LRRC9: variants seen among roughly 807,000 people sequenced by gnomAD.
LRRC9 encodes the protein leucine-rich repeat-containing protein 9.
LRRC9 carries 122 observed loss-of-function variants against 63.2 expected under a neutral mutation model. The ratio of observed to expected loss-of-function variants is 1.93; its 90% CI spans 1.67 to 2.24. LRRC9 has a LOEUF of 2.24. Among genes scored for constraint, LRRC9 ranks in the 30% most tolerant of loss-of-function variants. LRRC9 has a pLI of 0.00. For synonymous variants in LRRC9, 366 were observed against 213.1 expected (o/e 1.72, Z -6.25); for missense variants, 1,071 against 627.7 (o/e 1.71, Z -7.55).
In LRRC9 at chr14:59,927,036, A is replaced by T. The variant is rs1050438881; in HGVS notation, c.-33-875A>T. On this transcript the variant is annotated intron_variant, in intron 1 of 31. Coordinates refer to ENST00000445360, the Ensembl canonical transcript of LRRC9. The surrounding 1 kb of genome is among the most constrained non-coding windows in gnomAD (Gnocchi z 4.4). The stretch of plus-strand genomic sequence containing the variant: ...CTCTCCCATCCAGCTTTACATTTGT[A>T]TTCTGGCCACAAAGGCTTTCACCTG... Among the ~76,000 whole-genome samples, 1 of 152,060 alleles carries T rather than the reference A, an allele frequency of 6.6e-6. No individual in the cohort carries two copies. The highest frequency in any genetic ancestry group is 2.4e-5 in the African/African-American group (1 of 41,428).
Position 59,919,910 on chromosome 14 carries a change from A to T in LRRC9, c.-34+27A>T, listed in dbSNP as rs1057222296. 1.3e-5 allele frequency: 2 copies of T among 152,294 alleles called. No individual in the cohort carries two copies. Among genetic ancestry groups the T allele is most frequent in the Admixed American group, 1.3e-4 (2 of 15,292 alleles). The allele number at this position is 152,294 out of a possible 1,614,324, so 9.4% of individuals were successfully genotyped here. ...TAAGTGAAAAGATAAGCGCAGGTAC[A>T]GAAAAACCTGCCAGCGAGAAGCTCC... On this transcript the variant is annotated intron_variant, in intron 1 of 31. Coordinates refer to ENST00000445360, the Ensembl canonical transcript of LRRC9. This position sits in a 1 kb window ranked among gnomAD's most constrained non-coding sequence, Gnocchi z 4.5.
At chr14:60,016,402 C>T (rs1890688888) in intron 23 of LRRC9, among the ~76,000 whole-genome samples, 1 of 152,030 alleles carries the variant, frequency 6.6e-6, no homozygotes, top group Non-Finnish European at 1.5e-5. Context: ...GACAGGGTCT[C>T]ACTTTGTTGC....
At chr14:60,052,412 G>A (rs1893965084) in intron 29 of LRRC9, among the ~76,000 whole-genome samples, 1 of 152,052 alleles carries the variant, frequency 6.6e-6, no homozygotes, top group Non-Finnish European at 1.5e-5. Flanking sequence ...TTTTTTGGGG[G>A]ATGGTTACAT....
At position 60,053,812 on chromosome 14, in the gene LRRC9, G is replaced by C. The variant is rs1311836547; in HGVS notation, c.4131+607G>C. 2.5e-6 allele frequency: 1 copy of C among 404,112 alleles called. No homozygotes were observed. Among genetic ancestry groups the C allele is most frequent in the African/African-American group, 2.1e-5 (1 of 47,002 alleles). The allele number at this position is 404,112 out of a possible 1,614,324, so 25.0% of individuals were successfully genotyped here. A position where few individuals can be genotyped will look rare whatever the true frequency, so the allele number is the denominator to read the frequency against. On this transcript the variant is annotated intron_variant, in intron 30 of 31. Transcript: ENST00000445360. The surrounding 1 kb of genome is among the most constrained non-coding windows in gnomAD (Gnocchi z 4.8). The stretch of plus-strand genomic sequence containing the variant: ...TGAAAATTCTGTCTTTGACCACCTA[G>C]TTTCTTCATGACCATCTTCTAAAGA...
chr14:59,995,491 T>C (rs897069825), intron 17 of LRRC9, among the ~76,000 whole-genome samples: 13 of 152,186 alleles, frequency 8.5e-5, no homozygotes, highest in African/African-American at 3.1e-4. Flanking sequence ...TAAACCAGTA[T>C]CCCAAGAAAA....
chr14:60,065,130 C>T (rs541311674), downstream of LRRC9, among the ~76,000 whole-genome samples: 20 of 152,088 alleles, frequency 1.3e-4, no homozygotes, highest in African/African-American at 4.8e-4. Context: ...ATCTGTAATC[C>T]CAGCACTTTG....
intron 12 of LRRC9, chr14:59,969,196 T>C (rs920183688): frequency 1.3e-5 from 2 of 152,232 alleles, no homozygotes; most frequent in Admixed American, 1.3e-4. Context: ...TCTGAAACAT[T>C]TGACACTATT....
At chr14:59,944,838 C>A in intron 8 of LRRC9, 94 bp downstream of exon 8, 1 of 534,326 alleles carries the variant, frequency 1.9e-6, no homozygotes, top group Non-Finnish European at 3.2e-6. Flanking sequence ...TGTATATACA[C>A]ACATATATAA....
chr14:60,006,366 A>T (rs918294162), intron 21 of LRRC9, 31 bp from the exon 22 acceptor site: 23 of 670,624 alleles, frequency 3.4e-5, no homozygotes, highest in Non-Finnish European at 5.9e-5. Context: ...GTGTTATCTG[A>T]ATCTTTTCTT....
Position 59,960,899 on chromosome 14 carries a change from T to G in LRRC9, c.1080-15T>G, listed in dbSNP as rs770812082. ...AGATCATTCTAATAGCTGTATGTATTTTTCTCTCCAATAGAATTGAAGCAA... is the reference window on the plus strand; with the variant it reads ...AGATCATTCTAATAGCTGTATGTATGTTTCTCTCCAATAGAATTGAAGCAA... On this transcript the variant is annotated splice_polypyrimidine_tract_variant and intron_variant, in intron 9 of 31. Coordinates refer to ENST00000445360, the Ensembl canonical transcript of LRRC9. The G allele has an allele frequency of 4.1e-5, 26 of 636,076 alleles. No homozygotes were observed. In the Middle Eastern group the frequency reaches 1.8e-3, roughly 44 times the overall value. The allele number at this position is 636,076 out of a possible 1,614,324, so 39.4% of individuals were successfully genotyped here.
At chr14:60,026,406 T>C (rs1034148168) in intron 27 of LRRC9, among the ~76,000 whole-genome samples, 4 of 152,134 alleles carry the variant, frequency 2.6e-5, no homozygotes, top group Non-Finnish European at 5.9e-5. Context: ...ATTTCTTCTT[T>C]TGAGAAATGT....
chr14:59,922,766 A>G lies in LRRC9; in HGVS notation c.-34+2883A>G, dbSNP rs542098423. 6.6e-6 allele frequency among the ~76,000 whole-genome samples: 1 copy of G among 152,304 alleles called. No homozygotes were observed. The highest frequency in any genetic ancestry group is 1.5e-5 in the Non-Finnish European group (1 of 68,020). On this transcript the variant is annotated intron_variant, in intron 1 of 31. Coordinates refer to ENST00000445360, the Ensembl canonical transcript of LRRC9. The surrounding 1 kb of genome is among the most constrained non-coding windows in gnomAD (Gnocchi z 5.3). ...AGAGAGACCTTGAAAAGAGTGGTGA[A>G]AGTTTAGAATAGTAATGTCATGAAT...
Position 59,999,053 on chromosome 14 carries a change from T to C in LRRC9, c.2404-48T>C, listed in dbSNP as rs187418039. The C allele has an allele frequency of 1.8e-3, 1,082 of 590,918 alleles. 5 individuals carry two copies. The highest frequency in any genetic ancestry group is 2.0e-3 in the Non-Finnish European group (671 of 331,422). The allele number at this position is 590,918 out of a possible 1,614,324, so 36.6% of individuals were successfully genotyped here. On this transcript the variant is annotated intron_variant, in intron 18 of 31. Transcript: ENST00000445360. The stretch of plus-strand genomic sequence containing the variant: ...CATGAAAACAGTCATTTTCATGCCA[T>C]AACATATTTAACAGTTTATAAAAAA...
At position 60,053,215 on chromosome 14, in the gene LRRC9, ATAT is replaced by A. The variant is rs1247349310; in HGVS notation, c.4131+15_4131+17del. The stretch of plus-strand genomic sequence containing the variant: ...AGCAAAGAAAAACTCGGTAATAATT[ATAT>A]TATTTACAATTTTCCTTTTGAAGCA... On this transcript the variant is annotated intron_variant, in intron 30 of 31. Transcript: ENST00000445360. This position sits in a 1 kb window ranked among gnomAD's most constrained non-coding sequence, Gnocchi z 4.8. 1.4e-6 allele frequency: 1 copy of A among 691,656 alleles called. No homozygotes were observed. The highest frequency in any genetic ancestry group is 1.8e-5 in the African/African-American group (1 of 56,638). The allele number at this position is 691,656 out of a possible 1,614,324, so 42.8% of individuals were successfully genotyped here. A position where few individuals can be genotyped will look rare whatever the true frequency, so the allele number is the denominator to read the frequency against.
chr14:59,925,592 G>A (rs149328189), intron 1 of LRRC9, among the ~76,000 whole-genome samples: 3,245 of 152,252 alleles, frequency 0.021, 59 homozygotes, highest in South Asian at 0.05. Context: ...CATTCAAACC[G>A]TAGCATTCAG....
Position 60,053,279 on chromosome 14 carries a change from A to T in LRRC9, c.4131+74A>T, listed in dbSNP as rs1894025937. 3.1e-6 allele frequency: 2 copies of T among 638,752 alleles called. No individual in the cohort carries two copies. Among genetic ancestry groups the T allele is most frequent in the Non-Finnish European group, 5.6e-6 (2 of 354,276 alleles). The allele number at this position is 638,752 out of a possible 1,614,324, so 39.6% of individuals were successfully genotyped here. On this transcript the variant is annotated intron_variant, in intron 30 of 31. Coordinates refer to ENST00000445360, the Ensembl canonical transcript of LRRC9. This position sits in a 1 kb window ranked among gnomAD's most constrained non-coding sequence, Gnocchi z 4.8. The stretch of plus-strand genomic sequence containing the variant: ...TAGTAAATGAACATTATATCTTTTG[A>T]TTTAAATGTTTAAACCTATGGCGTT...
intron 19 of LRRC9, among the ~76,000 whole-genome samples, chr14:60,000,660 A>C (rs1889273368): frequency 6.6e-6 from 1 of 152,142 alleles, no homozygotes; most frequent in Admixed American, 6.5e-5. Flanking sequence ...GGCAAAACCA[A>C]AAATTTTTTT....
intron 16 of LRRC9, among the ~76,000 whole-genome samples, chr14:59,982,466 T>C (rs1199857276): frequency 6.6e-6 from 1 of 152,200 alleles, no homozygotes; most frequent in African/African-American, 2.4e-5. Flanking sequence ...TGCCTGCATC[T>C]GGTGAGGGCC....
chr14:60,051,733 A>T lies in LRRC9; in HGVS notation c.3991-1332A>T, dbSNP rs1281487413. Among the ~76,000 whole-genome samples the T allele has an allele frequency of 6.6e-6, 1 of 152,200 alleles. No individual in the cohort carries two copies. Among genetic ancestry groups the T allele is most frequent in the Non-Finnish European group, 1.5e-5 (1 of 68,038 alleles). On this transcript the variant is annotated intron_variant, in intron 29 of 31. Coordinates refer to ENST00000445360, the Ensembl canonical transcript of LRRC9. The surrounding 1 kb of genome is among the most constrained non-coding windows in gnomAD (Gnocchi z 4.7). ...CCAGAATCCCGGCGCTGGAGTATATAAAACTTCTGGGTCTCTGTGCCTGAG... is the reference window on the plus strand; with the variant it reads ...CCAGAATCCCGGCGCTGGAGTATATTAAACTTCTGGGTCTCTGTGCCTGAG...
Sources: gnomAD v4.1 joint callset for allele counts (sites outside exome capture counted in the v4.1 genomes callset) on GRCh38, gnomAD v4.1.1 for gene constraint, Gnocchi (gnomAD v3.1) non-coding constraint, MANE v1.5 for transcripts, NCBI Gene and HGNC (gene_info 2026-07-23, HGNC 2026-07-21) for gene names.